Variants in BOK observed in about 807,000 individuals in gnomAD.
The protein encoded by BOK is bcl-2-related ovarian killer protein.
In BOK, 20 loss-of-function variants were observed where a neutral mutation model predicts 18.3. That is an observed-to-expected ratio of 1.09 (90% confidence interval 0.77 to 1.59). The LOEUF (loss-of-function observed/expected upper bound fraction) is 1.59. BOK is among the 40% of genes most tolerant of loss of function. BOK has a pLI of 0.00. For missense variants in BOK, 348 were observed against 307.9 expected (o/e 1.13, Z -0.97); for synonymous variants, 173 against 142.4 (o/e 1.21, Z -1.53).
At chr2:241,554,477 T>A (rs2066436699), upstream of BOK, among the ~76,000 whole-genome samples, 1 of 152,112 alleles carries the variant, frequency 6.6e-6, no homozygotes, top group African/African-American at 2.4e-5. Context: ...CCACAGGAGC[T>A]GATGGGGGCC....
chr2:241,565,941 A>C (rs2066604249), intron 3 of BOK, among the ~76,000 whole-genome samples: 1 of 152,124 alleles, frequency 6.6e-6, no homozygotes, highest in African/African-American at 2.4e-5. Context: ...ATTTTCTATA[A>C]ATACATATGT....
upstream of BOK, among the ~76,000 whole-genome samples, chr2:241,557,000 G>A (rs936780168): frequency 6.6e-6 from 1 of 152,108 alleles, no homozygotes; most frequent in Non-Finnish European, 1.5e-5. Context: ...CAAATGCACT[G>A]TCAAAAAGTC....
In BOK at chr2:241,570,189, G is replaced by A. The variant is rs1292948781; in HGVS notation, c.414G>A (p.Val138=). The A allele has an allele frequency of 6.8e-6, 11 of 1,608,920 alleles. No individual in the cohort carries two copies. Among genetic ancestry groups the A allele is most frequent in the Non-Finnish European group, 9.3e-6 (11 of 1,178,732 alleles). Residue 138 remains valine (V), a synonymous_variant, in exon 4 of 5, where the codon GTG becomes GTA. Coordinates refer to ENST00000318407, the MANE Select transcript of BOK (RefSeq NM_032515.5). ...CCGCGGGGCTGGCCGTGGACTGTGT[G>A]AGGCAGGCCCAGCCTGCCATGGTCC... The part of the protein sequence containing the change: ...AVAAGLAVDC[V]RQAQPAMVHA...
In BOK at chr2:241,559,656, C is replaced by A; in HGVS notation, c.173C>A (p.Pro58Gln). 2 of 1,389,538 alleles carry A rather than the reference C, an allele frequency of 1.4e-6. No individual in the cohort carries two copies. The highest frequency in any genetic ancestry group is 1.9e-6 in the Non-Finnish European group (2 of 1,080,336). 86.1% of individuals were successfully genotyped at this position (1,389,538 alleles called of 1,614,324 possible). A position where few individuals can be genotyped will look rare whatever the true frequency, so the allele number is the denominator to read the frequency against. Residue 58 changes from proline (P) to glutamine (Q), a missense_variant, in exon 2 of 5, where the codon CCG becomes CAG. Pro to Gln is a moderately conservative substitution (Grantham distance 76). Transcript: ENST00000318407. ...TGGAGCGCGCCCGAGCGTGCCGCGC[C>A]GGTCCCGGGACGCCTGGCTGAGGTG... Reference protein sequence around the residue: ...LSWSAPERAAPVPGRLAEVCA... With the variant: ...LSWSAPERAAQVPGRLAEVCA...
intron 3 of BOK, 91 bp from the exon 4 acceptor site, chr2:241,570,034 A>G: frequency 7.0e-7 from 1 of 1,435,358 alleles, no homozygotes; most frequent in Non-Finnish European, 9.3e-7. Context: ...GACGGCAAGC[A>G]GGACAGCGGC....
At chr2:241,559,309 G>C in intron 1 of BOK, 146 bp from the exon 2 acceptor site, 3 of 414,972 alleles carry the variant, frequency 7.2e-6, no homozygotes, top group Non-Finnish European at 1.2e-5. Context: ...GGTGGCGCTG[G>C]GTTTTTAAAG....
chr2:241,567,144 C>CTTT (rs557390533), intron 3 of BOK, among the ~76,000 whole-genome samples: 1 of 118,030 alleles, frequency 8.5e-6, no homozygotes, highest in African/African-American at 3.4e-5. Context: ...ATAGTATGTT[C>CTTT]TTTTTTTTTT....
At position 241,561,070 on chromosome 2, in the gene BOK, G is replaced by A. The variant is rs189958370; in HGVS notation, c.221-1278G>A. Among the ~76,000 whole-genome samples the A allele has an allele frequency of 1.4e-4, 22 of 152,324 alleles. No homozygotes were observed. The East Asian group carries it at 4.2e-3, about 29-fold the overall frequency. On this transcript the variant is annotated intron_variant, in intron 2 of 4. Coordinates refer to ENST00000318407, the MANE Select transcript of BOK (RefSeq NM_032515.5). Reference sequence around the variant, plus strand: ...GGTCAGTCCTGGGAATTTCCATGTCGTCCCCCGCCCCCAGCCAGCCTCTCA... The same window carrying A: ...GGTCAGTCCTGGGAATTTCCATGTCATCCCCCGCCCCCAGCCAGCCTCTCA...
rs573525303 is a variant in BOK, at chr2:241,558,933, G to T, written c.-90G>T. On this transcript the variant is annotated 5_prime_UTR_variant, in exon 1 of 5. Transcript: ENST00000318407. ...AATGGAAGGGTCGAGGTCGTCGTCG[G>T]CGGCGAGCAGATCCTGAAGCCAGAA... is the stretch of plus-strand genomic sequence containing the variant. 92 of 151,910 alleles carry T rather than the reference G, an allele frequency of 6.1e-4. No individual in the cohort carries two copies. The highest frequency in any genetic ancestry group is 2.1e-3 in the African/African-American group (86 of 41,514). 9.4% of individuals were successfully genotyped at this position (151,910 alleles called of 1,614,324 possible).
At chr2:241,559,378 C>G in intron 1 of BOK, 77 bp from the exon 2 acceptor site, 1 of 949,060 alleles carries the variant, frequency 1.1e-6, no homozygotes, top group Non-Finnish European at 1.4e-6. Flanking sequence ...TCCCGAGGGC[C>G]ACGCCCAGCC....
rs1040869028 is a variant in BOK at position 241,559,384 on chromosome 2, C to T, written c.-29-71C>T. 1.7e-5 allele frequency: 17 copies of T among 1,023,282 alleles called. No homozygotes were observed. The African/African-American group carries it at 2.9e-4, about 17-fold the overall frequency. 63.4% of individuals were successfully genotyped at this position (1,023,282 alleles called of 1,614,324 possible). A position where few individuals can be genotyped will look rare whatever the true frequency, so the allele number is the denominator to read the frequency against. ...TACGGCCCTTCCCGAGGGCCACGCC[C>T]AGCCCGGCGCCCCGCGCGCCCCGTT... On this transcript the variant is annotated intron_variant, in intron 1 of 4. Transcript: ENST00000318407.
intron 3 of BOK, among the ~76,000 whole-genome samples, chr2:241,566,042 T>G (rs766519303): frequency 6.6e-6 from 1 of 152,122 alleles, no homozygotes; most frequent in Non-Finnish European, 1.5e-5. Context: ...CCCAGCACTT[T>G]GGGAGGCCGA....
At chr2:241,560,136 C>T (rs1029763544) in intron 2 of BOK, 4 of 985,418 alleles carry the variant, frequency 4.1e-6, no homozygotes, top group Non-Finnish European at 3.6e-6. Flanking sequence ...CCGAGGCCCC[C>T]CCATTGGAAA....
At chr2:241,563,539 T>C (rs994816268) in intron 3 of BOK, among the ~76,000 whole-genome samples, 1 of 152,050 alleles carries the variant, frequency 6.6e-6, no homozygotes, top group Non-Finnish European at 1.5e-5. Flanking sequence ...AACCCCGGGG[T>C]GCGCAGGATT....
chr2:241,558,667 G>C (rs2066474990), upstream of BOK: 1 of 152,280 alleles, frequency 6.6e-6, no homozygotes, highest in South Asian at 2.1e-4. Flanking sequence ...CTCCTTAAGC[G>C]GGGAAGCTCG....
rs767965786 is a variant in BOK at position 241,572,466 on chromosome 2, A to G, written c.*44A>G. Reference sequence around the variant, plus strand: ...GCCGCAGCCTGGCCCTCTGGGCCCAACGCAGGAGGCCCTCAGCACCCGAAC... The same window carrying G: ...GCCGCAGCCTGGCCCTCTGGGCCCAGCGCAGGAGGCCCTCAGCACCCGAAC... On this transcript the variant is annotated 3_prime_UTR_variant, in exon 5 of 5. Transcript: ENST00000318407. 1.2e-5 allele frequency: 19 copies of G among 1,575,098 alleles called. No individual in the cohort carries two copies. The South Asian group carries it at 1.6e-4, about 13-fold the overall frequency.
At chr2:241,560,100 C>T (rs1478689444) in intron 2 of BOK, 2 of 985,348 alleles carry the variant, frequency 2.0e-6, no homozygotes, top group East Asian at 2.3e-4. Flanking sequence ...GAGATCCCGC[C>T]CGCTGCCCTC....
At chr2:241,567,025 A>T (rs2066626333) in intron 3 of BOK, among the ~76,000 whole-genome samples, 1 of 134,664 alleles carries the variant, frequency 7.4e-6, no homozygotes, top group South Asian at 2.5e-4. Context: ...GACACAGAAG[A>T]GCTGGAAGGA....
chr2:241,556,773 A>C (rs1477650802), upstream of BOK, among the ~76,000 whole-genome samples: 1 of 151,728 alleles, frequency 6.6e-6, no homozygotes, highest in Admixed American at 6.6e-5. Context: ...GTTGGGAAAT[A>C]CTCCCTCATT....
Sources: allele counts gnomAD v4.1 joint callset (sites outside exome capture counted in the v4.1 genomes callset), GRCh38; gene constraint gnomAD v4.1.1; transcripts MANE v1.5; gene names NCBI Gene and HGNC (gene_info 2026-07-23, HGNC 2026-07-21).